Variants in PRDM16 observed in about 807,000 individuals in gnomAD.
The protein encoded by PRDM16 is PR/SET domain 16.
PRDM16 carries 23 observed loss-of-function variants against 110.6 expected under a neutral mutation model. The ratio of observed to expected loss-of-function variants is 0.21; its 90% confidence interval spans 0.15 to 0.29. PRDM16 has a LOEUF of 0.29. PRDM16 is among the 10% of genes least tolerant of loss of function. PRDM16 has a pLI of 1.00. For synonymous variants in PRDM16, 799 were observed against 781.8 expected, an observed-to-expected ratio of 1.02 and a Z score of -0.37; for missense variants, 1,615 against 1,794.3, an observed-to-expected ratio of 0.90 and a Z score of 1.81.
At position 3,290,261 on chromosome 1, in the gene PRDM16, C is replaced by T. The variant is rs895486035; in HGVS notation, c.438+46124C>T. On this transcript the variant is annotated intron_variant, in intron 3 of 16. Transcript: ENST00000270722. The surrounding 1 kb of genome is among the most constrained non-coding windows in gnomAD (Gnocchi z 4.8). ...AGTAGACATGGGAAGGAAGGAGCGA[C>T]GGGGTGGGAGGGATCTGCCTGCCAG... Among the ~76,000 whole-genome samples, 2 of 152,132 alleles carry T rather than the reference C, an allele frequency of 1.3e-5. No individual in the cohort carries two copies. Among genetic ancestry groups the T allele is most frequent in the Non-Finnish European group, 2.9e-5 (2 of 68,010 alleles).
intron 3 of PRDM16, among the ~76,000 whole-genome samples, chr1:3,249,319 G>A (rs546053784): frequency 9.2e-5 from 14 of 152,132 alleles, no homozygotes; most frequent in South Asian, 4.2e-4. Context: ...TGCATGCATC[G>A]GGCTCAGCTG....
intron 3 of PRDM16, among the ~76,000 whole-genome samples, chr1:3,371,998 A>C (rs1374244681): frequency 6.6e-6 from 1 of 152,002 alleles, no homozygotes; most frequent in African/African-American, 2.4e-5. Flanking sequence ...GGATGAGAAG[A>C]CTCTGAGCTG....
chr1:3,322,197 G>T (rs1437432308), intron 3 of PRDM16, among the ~76,000 whole-genome samples: 1 of 150,954 alleles, frequency 6.6e-6, no homozygotes, highest in East Asian at 2.0e-4. Flanking sequence ...GTGAGAGTGG[G>T]TGTGCACGTG....
Position 3,329,469 on chromosome 1 carries a change from G to T in PRDM16, c.439-55683G>T, listed in dbSNP as rs571061774. Among the ~76,000 whole-genome samples, 12 of 152,236 alleles carry T rather than the reference G, an allele frequency of 7.9e-5. No individual in the cohort carries two copies. The South Asian group carries it at 2.5e-3, about 32-fold the overall frequency. ...AGGGAGAGGCCCAAGCTGTCTCCCA[G>T]GCTGTAGTGTCGGGGGCCGAGGGGT... On this transcript the variant is annotated intron_variant, in intron 3 of 16. Coordinates refer to ENST00000270722, the MANE Select transcript of PRDM16 (RefSeq NM_022114.4).
chr1:3,326,988 C>G (rs1480224380), intron 3 of PRDM16, among the ~76,000 whole-genome samples: 3 of 152,236 alleles, frequency 2.0e-5, no homozygotes, highest in Non-Finnish European at 1.5e-5. Flanking sequence ...CTGGGAGGAG[C>G]CCACGCACAG....
intron 2 of PRDM16, among the ~76,000 whole-genome samples, chr1:3,229,616 C>G (rs908405420): frequency 3.3e-5 from 5 of 152,218 alleles, no homozygotes; most frequent in African/African-American, 1.2e-4. Context: ...GGATCCCAGT[C>G]CCACCCAGCC....
rs1266779246 is a variant in PRDM16, at chr1:3,213,769, G to T, written c.387+27295G>T. 6.6e-6 allele frequency among the ~76,000 whole-genome samples: 1 copy of T among 152,100 alleles called. No homozygotes were observed. Among genetic ancestry groups the T allele is most frequent in the Non-Finnish European group, 1.5e-5 (1 of 68,000 alleles). ...TTTCCGGGACACCACGTCCACCCCA[G>T]GTCACCTACAAACAAGGTCAGCCAG... is the stretch of plus-strand genomic sequence containing the variant. On this transcript the variant is annotated intron_variant, in intron 2 of 16. Coordinates refer to ENST00000270722, the MANE Select transcript of PRDM16 (RefSeq NM_022114.4). This position sits in a 1 kb window ranked among gnomAD's most constrained non-coding sequence, Gnocchi z 5.3.
At chr1:3,104,785 G>A (rs998182379) in intron 1 of PRDM16, among the ~76,000 whole-genome samples, 51 of 152,100 alleles carry the variant, frequency 3.4e-4, no homozygotes, top group African/African-American at 1.0e-3. Context: ...TGGCCACCCC[G>A]CCCACAGACA....
chr1:3,426,094 C>T lies in PRDM16; in HGVS notation c.3153C>T (p.Ser1051=), dbSNP rs752378700. 3.4e-5 allele frequency: 55 copies of T among 1,613,902 alleles called. 1 individual carries two copies. Among genetic ancestry groups the T allele is most frequent in the East Asian group, 3.1e-4 (14 of 44,860 alleles). Reference sequence around the variant, plus strand: ...TCCTCACGAACCACCTGGGGACCAGCGCGTCCTCTCCCACCTCAGAGTCGG... The same window carrying T: ...TCCTCACGAACCACCTGGGGACCAGTGCGTCCTCTCCCACCTCAGAGTCGG... ...PGVLTNHLGT[S]ASSPTSESDN... Residue 1051 remains serine (S), a synonymous_variant, in exon 14 of 17, where the codon AGC becomes AGT. Coordinates refer to ENST00000270722, the MANE Select transcript of PRDM16 (RefSeq NM_022114.4).
At chr1:3,365,857 A>C (rs1484016733) in intron 3 of PRDM16, among the ~76,000 whole-genome samples, 6 of 152,176 alleles carry the variant, frequency 3.9e-5, no homozygotes, top group Non-Finnish European at 7.3e-5. Context: ...GACGACTTTG[A>C]AGGCTGTCAG....
chr1:3,420,366 A>AC (rs1337847415), intron 12 of PRDM16, among the ~76,000 whole-genome samples: 2 of 151,862 alleles, frequency 1.3e-5, no homozygotes, highest in African/African-American at 4.8e-5. Flanking sequence ...GAGGAGCTCA[A>AC]CCCCCCATGC....
chr1:3,252,277 C>CCAG (rs1438855946), intron 3 of PRDM16, among the ~76,000 whole-genome samples: 1 of 152,230 alleles, frequency 6.6e-6, no homozygotes, highest in Non-Finnish European at 1.5e-5. Flanking sequence ...TCCTGCATGC[C>CCAG]CAGCGGTGTC....
At chr1:3,394,451 C>T (rs1017383339) in intron 4 of PRDM16, 1 of 445,858 alleles carries the variant, frequency 2.2e-6, no homozygotes. Flanking sequence ...TGCCCGAGGT[C>T]TCACGTCAGG....
At position 3,409,642 on chromosome 1, in the gene PRDM16, C is replaced by T. The variant is rs143895455; in HGVS notation, c.1187-1742C>T. Among the ~76,000 whole-genome samples, 477 of 151,414 alleles carry T rather than the reference C, an allele frequency of 3.2e-3. 3 individuals carry two copies. The highest frequency in any genetic ancestry group is 0.024 in the Middle Eastern group (7 of 292). ...TTGTCCTACAGAGAGAGACACTCGC[C>T]GGGATGTGTGTGTGTGGTGTGCGTG... On this transcript the variant is annotated intron_variant, in intron 8 of 16. Coordinates refer to ENST00000270722, the MANE Select transcript of PRDM16 (RefSeq NM_022114.4).
At chr1:3,214,380 C>T (rs568107910) in intron 2 of PRDM16, among the ~76,000 whole-genome samples, 1 of 152,280 alleles carries the variant, frequency 6.6e-6, no homozygotes, top group East Asian at 1.9e-4. Context: ...CCAATAGCAC[C>T]GTCAGACTCG....
chr1:3,323,640 G>A (rs1406672828), intron 3 of PRDM16, among the ~76,000 whole-genome samples: 8 of 152,248 alleles, frequency 5.3e-5, no homozygotes, highest in Admixed American at 5.2e-4. Context: ...CACGTGTGCA[G>A]TCATAAAAAG....
At chr1:3,418,054 T>C in intron 11 of PRDM16, 57 bp downstream of exon 11, 2 of 1,450,498 alleles carry the variant, frequency 1.4e-6, no homozygotes, top group South Asian at 2.5e-5. Context: ...GTGCCACACC[T>C]GTGGCTGTGA....
In PRDM16 at chr1:3,353,005, T is replaced by G. The variant is rs1642525242; in HGVS notation, c.439-32147T>G. On this transcript the variant is annotated intron_variant, in intron 3 of 16. Coordinates refer to ENST00000270722, the MANE Select transcript of PRDM16 (RefSeq NM_022114.4). This position sits in a 1 kb window ranked among gnomAD's most constrained non-coding sequence, Gnocchi z 5.4. ...TGGCCGGAGGCAGAGGGCTTCCCGG[T>G]TGGGCTGAGGGCTGTTTCAGAGCAG... 1.3e-5 allele frequency among the ~76,000 whole-genome samples: 2 copies of G among 152,156 alleles called. No homozygotes were observed. Among genetic ancestry groups the G allele is most frequent in the Admixed American group, 1.3e-4 (2 of 15,282 alleles).
rs1641681652 is a variant in PRDM16 at position 3,069,326 on chromosome 1, C to T, written c.37+30C>T. 3.4e-6 allele frequency: 4 copies of T among 1,175,408 alleles called. No homozygotes were observed. The highest frequency in any genetic ancestry group is 4.3e-6 in the Non-Finnish European group (4 of 928,660). 72.8% of individuals were successfully genotyped at this position (1,175,408 alleles called of 1,614,324 possible). ...GTCTCCCGCGCTCGGCCGCGCCGCG[C>T]CGCCGGGGCCCGGGCCGCCGGGCCG... is the stretch of plus-strand genomic sequence containing the variant. On this transcript the variant is annotated intron_variant, in intron 1 of 16. Coordinates refer to ENST00000270722, the MANE Select transcript of PRDM16 (RefSeq NM_022114.4). This position sits in a 1 kb window ranked among gnomAD's most constrained non-coding sequence, Gnocchi z 6.1.
Sources: gnomAD v4.1 joint callset for allele counts (sites outside exome capture counted in the v4.1 genomes callset) on GRCh38, gnomAD v4.1.1 for gene constraint, Gnocchi (gnomAD v3.1) non-coding constraint, MANE v1.5 for transcripts, NCBI Gene and HGNC (gene_info 2026-07-23, HGNC 2026-07-21) for gene names.